The following NLRP2B variants were observed in gnomAD, a reference collection of about 807,000 sequenced individuals.
NLRP2B encodes NLR family pyrin domain-containing protein 2B.
For missense variants in NLRP2B, 25 were observed against 6.8 expected (o/e 3.70, Z -3.00); for synonymous variants, 16 against 3.5 (o/e 4.63, Z -4.03).
Position 57,679,300 on chromosome X carries a change from A to T in NLRP2B, c.*823T>A, listed in dbSNP as rs1001187470. 5.9e-6 allele frequency: 3 copies of T among 508,953 alleles called. No individual in the cohort carries two copies. Among genetic ancestry groups the T allele is most frequent in the Admixed American group, 5.1e-5 (2 of 38,978 alleles). 41.9% of individuals were successfully genotyped at this position (508,953 alleles called of 1,213,427 possible). ...GGCCCTGGGTAAAATCTTCCTCTTC[A>T]GTAACCTCCCCAAGAAGACCGGCAC... On this transcript the variant is annotated 3_prime_UTR_variant, in exon 1 of 1. Coordinates refer to ENST00000434992, the MANE Select transcript of NLRP2B (RefSeq NM_001319967.1).
In NLRP2B at chrX:57,679,549, A is replaced by C. The variant is rs1240939487; in HGVS notation, c.*574T>G. The C allele has an allele frequency of 1.7e-6, 1 of 602,519 alleles. No individual in the cohort carries two copies. Among genetic ancestry groups the C allele is most frequent in the African/African-American group, 2.2e-5 (1 of 44,921 alleles). 49.7% of individuals were successfully genotyped at this position (602,519 alleles called of 1,213,427 possible). ...GCAGGTGAGGTAGAAAGCCTATCTA[A>C]ATTTCTGGCTGAGGTTGTCCTCTGC... On this transcript the variant is annotated 3_prime_UTR_variant, in exon 1 of 1. Transcript: ENST00000434992.
chrX:57,677,555 G>C lies in NLRP2B; in HGVS notation c.*2568C>G, dbSNP rs1008002748. 1 of 308,113 alleles carries C rather than the reference G, an allele frequency of 3.2e-6. No homozygotes were observed. Among genetic ancestry groups the C allele is most frequent in the Non-Finnish European group, 6.2e-6 (1 of 161,112 alleles). 25.4% of individuals were successfully genotyped at this position (308,113 alleles called of 1,213,427 possible). On this transcript the variant is annotated 3_prime_UTR_variant, in exon 1 of 1. Coordinates refer to ENST00000434992, the MANE Select transcript of NLRP2B (RefSeq NM_001319967.1). ...GTTATGTCGCAGTCCCACAGCACCAGGGTCTGTAGTTTACAATGGGGGTAA... is the reference window on the plus strand; with the variant it reads ...GTTATGTCGCAGTCCCACAGCACCACGGTCTGTAGTTTACAATGGGGGTAA...
At position 57,678,488 on chromosome X, in the gene NLRP2B, C is replaced by T; in HGVS notation, c.*1635G>A. On this transcript the variant is annotated 3_prime_UTR_variant, in exon 1 of 1. Transcript: ENST00000434992. ...ATCATTGTTGAGTGTCCAACCTTTT[C>T]ACAATTTATCTCTCATCACAGTAAT... 1 of 514,547 alleles carries T rather than the reference C, an allele frequency of 1.9e-6. No homozygotes were observed. 42.4% of individuals were successfully genotyped at this position (514,547 alleles called of 1,213,427 possible).
chrX:57,678,680 C>A lies in NLRP2B; in HGVS notation c.*1443G>T, dbSNP rs2011735019. 7.3e-6 allele frequency: 3 copies of A among 412,036 alleles called. No individual in the cohort carries two copies. The highest frequency in any genetic ancestry group is 3.2e-5 in the Admixed American group (1 of 31,055). The allele number at this position is 412,036 out of a possible 1,213,427, so 34.0% of individuals were successfully genotyped here. A position where few individuals can be genotyped will look rare whatever the true frequency, so the allele number is the denominator to read the frequency against. On this transcript the variant is annotated 3_prime_UTR_variant, in exon 1 of 1. Transcript: ENST00000434992. ...TTCTGCACGTCTCCATTGTCCCAGGCGTGGCCGTCCTTGTCCTCCTCCTCC... is the reference window on the plus strand; with the variant it reads ...TTCTGCACGTCTCCATTGTCCCAGGAGTGGCCGTCCTTGTCCTCCTCCTCC...
At position 57,677,310 on chromosome X, in the gene NLRP2B, G is replaced by T; in HGVS notation, c.*2813C>A. On this transcript the variant is annotated 3_prime_UTR_variant, in exon 1 of 1. Coordinates refer to ENST00000434992, the MANE Select transcript of NLRP2B (RefSeq NM_001319967.1). ...TCTGGCTCAGGTCCAGAACGACGAGGCTGTGGTTGCAGCTGAGCACAGAGC... is the reference window on the plus strand; with the variant it reads ...TCTGGCTCAGGTCCAGAACGACGAGTCTGTGGTTGCAGCTGAGCACAGAGC... The T allele has an allele frequency of 5.2e-6, 2 of 385,310 alleles. No homozygotes were observed. Among genetic ancestry groups the T allele is most frequent in the South Asian group, 2.4e-5 (1 of 42,217 alleles). 31.8% of individuals were successfully genotyped at this position (385,310 alleles called of 1,213,427 possible).
rs917904934 is a variant in NLRP2B at position 57,679,351 on chromosome X, C to G, written c.*772G>C. The G allele has an allele frequency of 5.9e-5, 37 of 624,601 alleles. No homozygotes were observed. The highest frequency in any genetic ancestry group is 9.5e-5 in the Non-Finnish European group (36 of 377,111). 51.5% of individuals were successfully genotyped at this position (624,601 alleles called of 1,213,427 possible). A position where few individuals can be genotyped will look rare whatever the true frequency, so the allele number is the denominator to read the frequency against. ...CGGCTTCTGCTTCTCCCAGTCCCCA[C>G]AGATGTCCTAGATCAGTGCCCCAGG... On this transcript the variant is annotated 3_prime_UTR_variant, in exon 1 of 1. Coordinates refer to ENST00000434992, the MANE Select transcript of NLRP2B (RefSeq NM_001319967.1).
rs777436049 is a variant in NLRP2B, at chrX:57,677,588, C to T, written c.*2535G>A. ...AGTTTACAATGGGGGTAACTCAAAC[C>T]CTTACACAGAAACATCACCCATGTA... On this transcript the variant is annotated 3_prime_UTR_variant, in exon 1 of 1. Transcript: ENST00000434992. The T allele has an allele frequency of 6.6e-6, 2 of 301,504 alleles. No individual in the cohort carries two copies. The highest frequency in any genetic ancestry group is 1.3e-5 in the Non-Finnish European group (2 of 157,851). The allele number at this position is 301,504 out of a possible 1,213,427, so 24.8% of individuals were successfully genotyped here. A position where few individuals can be genotyped will look rare whatever the true frequency, so the allele number is the denominator to read the frequency against.
At position 57,679,876 on chromosome X, in the gene NLRP2B, AG is replaced by A; in HGVS notation, c.*246del. ...ATCTTCCTCCGTTTCTATAAACTCT[AG>A]TGCTTCTGCTTCGAAACGCCCCAGC... On this transcript the variant is annotated 3_prime_UTR_variant, in exon 1 of 1. Transcript: ENST00000434992. 2 of 289,142 alleles carry A rather than the reference AG, an allele frequency of 6.9e-6. No individual in the cohort carries two copies. Among genetic ancestry groups the A allele is most frequent in the East Asian group, 1.1e-4 (2 of 18,343 alleles). 23.8% of individuals were successfully genotyped at this position (289,142 alleles called of 1,213,427 possible). A position where few individuals can be genotyped will look rare whatever the true frequency, so the allele number is the denominator to read the frequency against.
rs2011747115 is a variant in NLRP2B, at chrX:57,679,327, G to A, written c.*796C>T. Reference sequence around the variant, plus strand: ...TAACCTCCCCAAGAAGACCGGCACCGGCTTCTGCTTCTCCCAGTCCCCACA... The same window carrying A: ...TAACCTCCCCAAGAAGACCGGCACCAGCTTCTGCTTCTCCCAGTCCCCACA... On this transcript the variant is annotated 3_prime_UTR_variant, in exon 1 of 1. Transcript: ENST00000434992. The A allele has an allele frequency of 7.2e-6, 4 of 556,325 alleles. No homozygotes were observed. The highest frequency in any genetic ancestry group is 3.6e-5 in the East Asian group (1 of 27,671). 45.8% of individuals were successfully genotyped at this position (556,325 alleles called of 1,213,427 possible).
chrX:57,677,119 T>C lies in NLRP2B; in HGVS notation c.*3004A>G, dbSNP rs1395223109. The C allele has an allele frequency of 3.5e-6, 1 of 289,368 alleles. No individual in the cohort carries two copies. Among genetic ancestry groups the C allele is most frequent in the Non-Finnish European group, 6.5e-6 (1 of 153,204 alleles). The allele number at this position is 289,368 out of a possible 1,213,427, so 23.8% of individuals were successfully genotyped here. On this transcript the variant is annotated 3_prime_UTR_variant, in exon 1 of 1. Coordinates refer to ENST00000434992, the MANE Select transcript of NLRP2B (RefSeq NM_001319967.1). The stretch of plus-strand genomic sequence containing the variant: ...TTTTTCCCCCCCAAAGGATCATGTT[T>C]CTCAGTTATCAGCAGGCAGTTGTGG...
Position 57,680,153 on chromosome X carries a change from T to A in NLRP2B, c.108A>T (p.Gly36=), listed in dbSNP as rs894981454. ...TCTGGGGGATCTTTTGCAGCTCATT[T>A]CCCAGGGAGACGGTCCTGATCAGAG... ...FKSLIRTVSL[G]NELQKIPQT The change falls in exon 1 of 1, where the codon GGA becomes GGT. Residue 36 remains glycine, a synonymous_variant. Transcript: ENST00000434992. 9.4e-6 allele frequency: 4 copies of A among 427,696 alleles called. No individual in the cohort carries two copies. The highest frequency in any genetic ancestry group is 5.1e-5 in the African/African-American group (2 of 39,554). The allele number at this position is 427,696 out of a possible 1,213,427, so 35.2% of individuals were successfully genotyped here. A position where few individuals can be genotyped will look rare whatever the true frequency, so the allele number is the denominator to read the frequency against.
Position 57,680,189 on chromosome X carries a change from G to A in NLRP2B, c.72C>T (p.Cys24=). 4 of 393,736 alleles carry A rather than the reference G, an allele frequency of 1.0e-5. No homozygotes were observed. Among genetic ancestry groups the A allele is most frequent in the Middle Eastern group, 4.1e-4 (1 of 2,440 alleles). 32.4% of individuals were successfully genotyped at this position (393,736 alleles called of 1,213,427 possible). A position where few individuals can be genotyped will look rare whatever the true frequency, so the allele number is the denominator to read the frequency against. Residue 24 remains cysteine, a synonymous_variant, in exon 1 of 1, where the codon TGC becomes TGT. Coordinates refer to ENST00000434992, the MANE Select transcript of NLRP2B (RefSeq NM_001319967.1). ...CGGTCCTGATCAGAGACTTGAACTT[G>A]CACAAGTCATCCTGGCTGAGCTGTC... ...LLGQLSQDDL[C]KFKSLIRTVS...
In NLRP2B at chrX:57,678,892, T is replaced by G; in HGVS notation, c.*1231A>C. 2.6e-6 allele frequency: 1 copy of G among 386,411 alleles called. No homozygotes were observed. Among genetic ancestry groups the G allele is most frequent in the East Asian group, 5.8e-5 (1 of 17,255 alleles). 31.8% of individuals were successfully genotyped at this position (386,411 alleles called of 1,213,427 possible). A position where few individuals can be genotyped will look rare whatever the true frequency, so the allele number is the denominator to read the frequency against. On this transcript the variant is annotated 3_prime_UTR_variant, in exon 1 of 1. Transcript: ENST00000434992. ...GTCCTCTCCACGGAACACTGACATCTGCGCCCACAGGCCCTGTGCCGCCAG... is the reference window on the plus strand; with the variant it reads ...GTCCTCTCCACGGAACACTGACATCGGCGCCCACAGGCCCTGTGCCGCCAG...
At position 57,679,230 on chromosome X, in the gene NLRP2B, C is replaced by T. The variant is rs796756129; in HGVS notation, c.*893G>A. 1.2e-4 allele frequency: 56 copies of T among 451,505 alleles called. No individual in the cohort carries two copies. Among genetic ancestry groups the T allele is most frequent in the South Asian group, 9.3e-4 (32 of 34,411 alleles). The allele number at this position is 451,505 out of a possible 1,213,427, so 37.2% of individuals were successfully genotyped here. A position where few individuals can be genotyped will look rare whatever the true frequency, so the allele number is the denominator to read the frequency against. The stretch of plus-strand genomic sequence containing the variant: ...ATAGATCGGCCGCTCCACCAACAGC[C>T]GGAGGTCTCTCAGGGCCCGCAGGCC... On this transcript the variant is annotated 3_prime_UTR_variant, in exon 1 of 1. Coordinates refer to ENST00000434992, the MANE Select transcript of NLRP2B (RefSeq NM_001319967.1).
At position 57,678,616 on chromosome X, in the gene NLRP2B, A is replaced by G. The variant is rs1041626762; in HGVS notation, c.*1507T>C. 27 of 455,269 alleles carry G rather than the reference A, an allele frequency of 5.9e-5. No individual in the cohort carries two copies. Among genetic ancestry groups the G allele is most frequent in the African/African-American group, 5.8e-4 (24 of 41,258 alleles). 37.5% of individuals were successfully genotyped at this position (455,269 alleles called of 1,213,427 possible). ...GAATAAGAAGTGTCTTGCTTGGATCAGGTCGGGGTTCTTGAGTCTTTCTTC... is the reference window on the plus strand; with the variant it reads ...GAATAAGAAGTGTCTTGCTTGGATCGGGTCGGGGTTCTTGAGTCTTTCTTC... On this transcript the variant is annotated 3_prime_UTR_variant, in exon 1 of 1. Transcript: ENST00000434992.
chrX:57,679,814 C>G lies in NLRP2B; in HGVS notation c.*309G>C, dbSNP rs1334802380. The G allele has an allele frequency of 3.5e-6, 1 of 289,518 alleles. No individual in the cohort carries two copies. Among genetic ancestry groups the G allele is most frequent in the East Asian group, 5.4e-5 (1 of 18,361 alleles). 23.9% of individuals were successfully genotyped at this position (289,518 alleles called of 1,213,427 possible). A position where few individuals can be genotyped will look rare whatever the true frequency, so the allele number is the denominator to read the frequency against. On this transcript the variant is annotated 3_prime_UTR_variant, in exon 1 of 1. Transcript: ENST00000434992. ...CTATCCTCTTTACCTGGCTTTTCTC[C>G]TTTCAAGACTTCTTTAGCTTCTCTT...
rs2011711641 is a variant in NLRP2B at position 57,677,215 on chromosome X, G to A, written c.*2908C>T. On this transcript the variant is annotated 3_prime_UTR_variant, in exon 1 of 1. Transcript: ENST00000434992. ...AAAGTCATCTATTTTCAACCTGAGT[G>A]TCTGGAGGGTGCAATTTGGATGTGT... 3 of 382,339 alleles carry A rather than the reference G, an allele frequency of 7.8e-6. No individual in the cohort carries two copies. The highest frequency in any genetic ancestry group is 7.7e-5 in the Admixed American group (3 of 38,975). 31.5% of individuals were successfully genotyped at this position (382,339 alleles called of 1,213,427 possible).
In NLRP2B at chrX:57,678,414, C is replaced by A; in HGVS notation, c.*1709G>T. The A allele has an allele frequency of 5.7e-6, 3 of 521,957 alleles. No homozygotes were observed. The highest frequency in any genetic ancestry group is 1.1e-5 in the Non-Finnish European group (3 of 283,464). 43.0% of individuals were successfully genotyped at this position (521,957 alleles called of 1,213,427 possible). A position where few individuals can be genotyped will look rare whatever the true frequency, so the allele number is the denominator to read the frequency against. The stretch of plus-strand genomic sequence containing the variant: ...ACGGAGCCATCACTCCCTTCACCAG[C>A]TCCTCCTCCTGAGACTCGTACAGAC... On this transcript the variant is annotated 3_prime_UTR_variant, in exon 1 of 1. Coordinates refer to ENST00000434992, the MANE Select transcript of NLRP2B (RefSeq NM_001319967.1).
Position 57,679,596 on chromosome X carries a change from G to T in NLRP2B, c.*527C>A. ...CTGCCCAGTCCAGCATTAATTTCTTGGCCAGCGTGGTTTTCCCAAGGCCCG... is the reference window on the plus strand; with the variant it reads ...CTGCCCAGTCCAGCATTAATTTCTTTGCCAGCGTGGTTTTCCCAAGGCCCG... On this transcript the variant is annotated 3_prime_UTR_variant, in exon 1 of 1. Transcript: ENST00000434992. The T allele has an allele frequency of 3.9e-6, 2 of 506,884 alleles. No individual in the cohort carries two copies. Among genetic ancestry groups the T allele is most frequent in the South Asian group, 6.2e-5 (2 of 32,237 alleles). 41.8% of individuals were successfully genotyped at this position (506,884 alleles called of 1,213,427 possible). A position where few individuals can be genotyped will look rare whatever the true frequency, so the allele number is the denominator to read the frequency against.
Sources: gnomAD v4.1 joint callset for allele counts on GRCh38, gnomAD v4.1.1 for gene constraint, MANE v1.5 for transcripts, NCBI Gene and HGNC (gene_info 2026-07-23, HGNC 2026-07-21) for gene names.